COA1: variants seen among roughly 807,000 people sequenced by gnomAD.
COA1 encodes the protein cytochrome c oxidase assembly factor 1.
Under a neutral mutation model 16.0 loss-of-function variants are expected in COA1, and 13 were observed. The observed-to-expected ratio is 0.81, with a 90% confidence interval of 0.53 to 1.29. COA1 has a LOEUF of 1.29. COA1 is among the 50% of genes most tolerant of loss of function. COA1 has a pLI of 0.00. For synonymous variants in COA1, 65 were observed against 65.7 expected (o/e 0.99, Z 0.05); for missense variants, 179 against 177.0 (o/e 1.01, Z -0.06).
At chr7:43,700,593 T>TGTGTGA (rs2094697459) in intron 1 of COA1, among the ~76,000 whole-genome samples, 1 of 148,308 alleles carries the variant, frequency 6.7e-6, no homozygotes, top group African/African-American at 2.5e-5. Context: ...TATATATACG[T>TGTGTGA]GTGTGTGTGT....
At chr7:43,663,858 C>A (rs912751254) in intron 1 of COA1, among the ~76,000 whole-genome samples, 1 of 151,906 alleles carries the variant, frequency 6.6e-6, no homozygotes, top group African/African-American at 2.4e-5. Context: ...CACCTGTAAT[C>A]CCAACACTTT....
intron 1 of COA1, among the ~76,000 whole-genome samples, chr7:43,658,377 T>C (rs771842950): frequency 1.7e-4 from 25 of 151,052 alleles, no homozygotes; most frequent in Non-Finnish European, 3.2e-4. Flanking sequence ...AATTTACCAC[T>C]GAAAAGAAAT....
intron 1 of COA1, among the ~76,000 whole-genome samples, chr7:43,687,706 T>C (rs1406779338): frequency 2.6e-5 from 4 of 152,118 alleles, no homozygotes; most frequent in Admixed American, 6.5e-5. Context: ...TAGTGTTTTA[T>C]AAATAGTTCC....
intron 1 of COA1, among the ~76,000 whole-genome samples, chr7:43,717,133 G>A (rs555776057): frequency 1.9e-4 from 29 of 152,342 alleles, no homozygotes; most frequent in African/African-American, 6.3e-4. Flanking sequence ...CCCACACAGA[G>A]TCCCTACTGG....
chr7:43,701,701 C>A (rs2094748231), intron 1 of COA1, among the ~76,000 whole-genome samples: 2 of 152,178 alleles, frequency 1.3e-5, no homozygotes, highest in African/African-American at 4.8e-5. Flanking sequence ...AAATTTAACT[C>A]CCACCAGCAG....
intron 1 of COA1, among the ~76,000 whole-genome samples, chr7:43,700,059 C>T (rs948194193): frequency 5.9e-5 from 9 of 151,858 alleles, no homozygotes; most frequent in East Asian, 3.9e-4. Flanking sequence ...AGTATTCATA[C>T]GGCAAAAAAA....
At chr7:43,725,120 C>T (rs2095587601) in intron 1 of COA1, among the ~76,000 whole-genome samples, 1 of 152,122 alleles carries the variant, frequency 6.6e-6, no homozygotes, top group Non-Finnish European at 1.5e-5. Context: ...TGCCTGTAAT[C>T]CCAGCTACTC....
At chr7:43,713,019 T>C (rs913077005) in intron 1 of COA1, among the ~76,000 whole-genome samples, 11 of 152,222 alleles carry the variant, frequency 7.2e-5, no homozygotes, top group African/African-American at 2.4e-4. Flanking sequence ...AGTGGCGTGA[T>C]CTCAGCTCAC....
intron 1 of COA1, among the ~76,000 whole-genome samples, chr7:43,685,731 C>G (rs1220297941): frequency 6.6e-6 from 1 of 152,164 alleles, no homozygotes; most frequent in Non-Finnish European, 1.5e-5. Context: ...AAGGTACAAA[C>G]TGTCTCACCA....
At chr7:43,726,459 T>C (rs2095619282) in intron 1 of COA1, among the ~76,000 whole-genome samples, 1 of 152,122 alleles carries the variant, frequency 6.6e-6, no homozygotes, top group Non-Finnish European at 1.5e-5. Flanking sequence ...GTTAACTAAA[T>C]AGATTGAAAA....
At chr7:43,715,000 C>G (rs1416240372) in intron 1 of COA1, among the ~76,000 whole-genome samples, 1 of 88,610 alleles carries the variant, frequency 1.1e-5, no homozygotes, top group African/African-American at 5.7e-5. Context: ...GAGTGAGCCT[C>G]TTGTCTAAAA....
chr7:43,636,427 G>A (rs2085888956), downstream of COA1, among the ~76,000 whole-genome samples: 1 of 152,156 alleles, frequency 6.6e-6, no homozygotes, highest in Admixed American at 6.5e-5. Context: ...TCACCTGTAA[G>A]GCAAGTGATT....
At chr7:43,615,567 G>GT (rs1010762745) in intron 6 of COA1, among the ~76,000 whole-genome samples, 4 of 152,058 alleles carry the variant, frequency 2.6e-5, no homozygotes, top group Non-Finnish European at 5.9e-5. Context: ...GTACATAGGT[G>GT]TTTTTTTCGT....
intron 4 of COA1, among the ~76,000 whole-genome samples, chr7:43,644,014 C>T (rs1258316556): frequency 1.3e-5 from 2 of 152,170 alleles, no homozygotes; most frequent in African/African-American, 2.4e-5. Context: ...GACACTGTGG[C>T]CCCTGGTGGC....
At position 43,614,282 on chromosome 7, in the gene COA1, TTTC is replaced by T. The variant is rs1397508919; in HGVS notation, c.*134-4790_*134-4788del. On this transcript the variant is annotated intron_variant and NMD_transcript_variant, in intron 6 of 6. Coordinates refer to the COA1 transcript ENST00000415076. ...ATCTATTTACGGACCGTCTGCAGGT[TTTC>T]TGCCTATTCCACTGTTATCACCTCT... 2.0e-5 allele frequency among the ~76,000 whole-genome samples: 3 copies of T among 152,218 alleles called. No individual in the cohort carries two copies. In the South Asian group the frequency reaches 6.2e-4, roughly 32 times the overall value.
chr7:43,619,857 T>C (rs2083699208), intron 6 of COA1: 2 of 1,209,936 alleles, frequency 1.7e-6, no homozygotes, highest in African/African-American at 1.5e-5. Context: ...ATCTATTCCT[T>C]TGGATTACAT....
chr7:43,709,642 T>C (rs1205892643), intron 1 of COA1, among the ~76,000 whole-genome samples: 2 of 152,176 alleles, frequency 1.3e-5, no homozygotes, highest in Non-Finnish European at 2.9e-5. Context: ...CCAAGACTGT[T>C]GTGTATCCCT....
intron 1 of COA1, chr7:43,650,389 T>C (rs1368582815): frequency 3.3e-5 from 5 of 152,252 alleles, no homozygotes; most frequent in South Asian, 2.1e-4. Context: ...CAAAGATACA[T>C]ACTTTAGAAG....
At chr7:43,668,110 T>C (rs1179149794) in intron 1 of COA1, among the ~76,000 whole-genome samples, 1 of 152,224 alleles carries the variant, frequency 6.6e-6, no homozygotes, top group Non-Finnish European at 1.5e-5. Flanking sequence ...GGAATCAAGC[T>C]TGACATGCAG....
Sources: gnomAD v4.1 joint callset for allele counts (sites outside exome capture counted in the v4.1 genomes callset) on GRCh38, gnomAD v4.1.1 for gene constraint, MANE v1.5 for transcripts, NCBI Gene and HGNC (gene_info 2026-07-23, HGNC 2026-07-21) for gene names.